CDH12: variants seen among roughly 807,000 people sequenced by gnomAD.
CDH12 encodes cadherin-12.
In CDH12, 41 loss-of-function variants were observed where a neutral mutation model predicts 74.1. The observed-to-expected ratio is 0.55, with a 90% CI of 0.43 to 0.72. The LOEUF (loss-of-function observed/expected upper bound fraction) is 0.72. Among genes scored for constraint, CDH12 ranks in the 30% least tolerant of loss-of-function variants. CDH12 has a pLI of 0.00. For synonymous variants in CDH12, 399 were observed against 355.0 expected (o/e 1.12, Z -1.39); for missense variants, 945 against 977.2 (o/e 0.97, Z 0.44).
intron 1 of CDH12, among the ~76,000 whole-genome samples, chr5:22,611,992 G>C (rs1737427790): frequency 6.6e-6 from 1 of 151,926 alleles, no homozygotes; most frequent in Non-Finnish European, 1.5e-5. Context: ...CCTCTTCATG[G>C]CATTGAATTC....
intron 1 of CDH12, among the ~76,000 whole-genome samples, chr5:22,847,833 T>C (rs1737375049): frequency 6.6e-6 from 1 of 152,104 alleles, no homozygotes; most frequent in Non-Finnish European, 1.5e-5. Context: ...CATCATTTAA[T>C]TCCCTTTTAC....
intron 1 of CDH12, among the ~76,000 whole-genome samples, chr5:22,629,066 T>C (rs1244902173): frequency 6.6e-6 from 1 of 151,886 alleles, no homozygotes; most frequent in Non-Finnish European, 1.5e-5. Context: ...ATTTAAATCT[T>C]GAACAGAAAA....
intron 4 of CDH12, among the ~76,000 whole-genome samples, chr5:22,089,067 A>G (rs1170793418): frequency 6.6e-6 from 1 of 152,246 alleles, no homozygotes; most frequent in Non-Finnish European, 1.5e-5. Flanking sequence ...GCCATTGACC[A>G]GCAGGCTGTT....
At chr5:22,168,546 A>C (rs149032040) in intron 4 of CDH12, among the ~76,000 whole-genome samples, 6 of 151,958 alleles carry the variant, frequency 3.9e-5, no homozygotes, top group African/African-American at 1.4e-4. Flanking sequence ...ATGGATACAC[A>C]TTTATGGTAA....
At chr5:21,868,047 A>C (rs1751424532) in intron 6 of CDH12, among the ~76,000 whole-genome samples, 1 of 152,086 alleles carries the variant, frequency 6.6e-6, no homozygotes, top group Admixed American at 6.6e-5. Flanking sequence ...AACCCCTTTC[A>C]CTTGGTTCTC....
intron 10 of CDH12, among the ~76,000 whole-genome samples, chr5:21,794,255 T>G (rs1329684639): frequency 1.3e-5 from 2 of 151,724 alleles, no homozygotes; most frequent in Admixed American, 1.3e-4. Flanking sequence ...TAGCAAATTT[T>G]TTCTTCTTCT....
intron 3 of CDH12, among the ~76,000 whole-genome samples, chr5:22,346,278 A>T (rs1045170863): frequency 6.6e-6 from 1 of 152,194 alleles, no homozygotes; most frequent in African/African-American, 2.4e-5. Context: ...TTGTTCACAC[A>T]ATCCCTCTTA....
intron 6 of CDH12, among the ~76,000 whole-genome samples, chr5:21,887,195 C>T (rs948343479): frequency 2.0e-5 from 3 of 152,102 alleles, no homozygotes; most frequent in African/African-American, 7.2e-5. Flanking sequence ...TTTAGAATAT[C>T]TCCCTGATGA....
At chr5:21,902,561 A>G (rs1376469650) in intron 6 of CDH12, among the ~76,000 whole-genome samples, 2 of 152,102 alleles carry the variant, frequency 1.3e-5, no homozygotes, top group African/African-American at 2.4e-5. Flanking sequence ...AGAAAGAGTT[A>G]AAAGAGAATT....
rs1212286997 is a variant in CDH12, at chr5:22,784,129, T to A, written c.-523+68929A>T. ...TACTGTGTCATACATTGCCACTATA[T>A]ATAAAGGTTTTCAGCCTACCATTTT... On this transcript the variant is annotated intron_variant, in intron 1 of 14. Coordinates refer to ENST00000382254, the MANE Select transcript of CDH12 (RefSeq NM_004061.5). 2.6e-5 allele frequency among the ~76,000 whole-genome samples: 4 copies of A among 152,314 alleles called. No homozygotes were observed. The South Asian group carries it at 8.3e-4, about 32-fold the overall frequency.
intron 1 of CDH12, among the ~76,000 whole-genome samples, chr5:22,812,307 G>A (rs1292764372): frequency 6.6e-6 from 1 of 152,044 alleles, no homozygotes; most frequent in Non-Finnish European, 1.5e-5. Context: ...TTTTTTGAGG[G>A]AAGGCATAAT....
At chr5:22,584,618 A>G (rs2355847) in intron 1 of CDH12, among the ~76,000 whole-genome samples, 51,342 of 151,958 alleles carry the variant, frequency 0.34, 9,149 homozygotes, top group African/African-American at 0.45. Context: ...TTTAGCATAT[A>G]TTTCTAGAAA....
Position 21,947,545 on chromosome 5 carries a change from C to T in CDH12, c.526+27546G>A, listed in dbSNP as rs941831502. On this transcript the variant is annotated intron_variant, in intron 6 of 14. Transcript: ENST00000382254. ...GCCCCTGTCCTAGAGATCTGTGGAA[C>T]TTTTAATTTGAGAAACATTATCTCA... is the stretch of plus-strand genomic sequence containing the variant. Among the ~76,000 whole-genome samples the T allele has an allele frequency of 5.9e-5, 9 of 152,302 alleles. No individual in the cohort carries two copies. In the East Asian group the frequency reaches 1.5e-3, roughly 26 times the overall value.
At chr5:22,036,466 C>T (rs924622953) in intron 5 of CDH12, among the ~76,000 whole-genome samples, 1 of 152,090 alleles carries the variant, frequency 6.6e-6, no homozygotes, top group Admixed American at 6.6e-5. Flanking sequence ...AGTTTGAGAA[C>T]ATTTTTTTCT....
chr5:22,115,786 G>A (rs542183388), intron 4 of CDH12, among the ~76,000 whole-genome samples: 1 of 146,990 alleles, frequency 6.8e-6, no homozygotes, highest in African/African-American at 2.5e-5. Context: ...CTGCCTCCCG[G>A]GTTCAAGCGA....
chr5:21,855,777 T>C (rs74636754), intron 6 of CDH12, among the ~76,000 whole-genome samples: 241 of 151,786 alleles, frequency 1.6e-3, no homozygotes, highest in Middle Eastern at 6.8e-3. Context: ...TCCTTTTCAT[T>C]CCATTACTCA....
chr5:22,073,696 A>T (rs1742109550), intron 5 of CDH12, among the ~76,000 whole-genome samples: 1 of 152,156 alleles, frequency 6.6e-6, no homozygotes, highest in African/African-American at 2.4e-5. Context: ...AAAGTAAAGT[A>T]ACATTTTTGT....
At chr5:21,759,621 T>C (rs781453458) in intron 13 of CDH12, among the ~76,000 whole-genome samples, 116 of 152,216 alleles carry the variant, frequency 7.6e-4, no homozygotes, top group Non-Finnish European at 1.3e-3. Flanking sequence ...GGAACAAAAA[T>C]GCAAACCTAT....
chr5:22,254,716 G>A (rs1753255809), intron 3 of CDH12, among the ~76,000 whole-genome samples: 1 of 151,682 alleles, frequency 6.6e-6, no homozygotes, highest in African/African-American at 2.4e-5. Context: ...TATTTATAAA[G>A]TACAAGTGAT....
Sources: gnomAD v4.1 joint callset for allele counts (sites outside exome capture counted in the v4.1 genomes callset) on GRCh38, gnomAD v4.1.1 for gene constraint, MANE v1.5 for transcripts, NCBI Gene and HGNC (gene_info 2026-07-23, HGNC 2026-07-21) for gene names.